The following RPH3A variants were observed in gnomAD, a reference collection of about 807,000 sequenced individuals.
The protein encoded by RPH3A is rabphilin-3A.
RPH3A carries 48 observed loss-of-function variants against 102.2 expected under a neutral mutation model. The observed-to-expected ratio is 0.47, with a 90% CI of 0.37 to 0.60. The LOEUF (loss-of-function observed/expected upper bound fraction) is 0.60, where lower values mean the gene tolerates loss of function less well. Among genes scored for constraint, RPH3A ranks in the 20% least tolerant of loss-of-function variants. The pLI, the probability that RPH3A is intolerant of heterozygous loss-of-function variation, is 0.00. For missense variants in RPH3A, 781 were observed against 910.1 expected, an observed-to-expected ratio of 0.86 and a Z score of 1.83; for synonymous variants, 310 against 324.3, an observed-to-expected ratio of 0.96 and a Z score of 0.47.
intron 1 of RPH3A, among the ~76,000 whole-genome samples, chr12:112,684,020 T>C: frequency 6.6e-6 from 1 of 152,350 alleles, no homozygotes. Context: ...TGTGATTATA[T>C]ATGTATCTAT....
At chr12:112,614,761 G>A (rs2039665810) in intron 1 of RPH3A, among the ~76,000 whole-genome samples, 1 of 144,708 alleles carries the variant, frequency 6.9e-6, no homozygotes, top group Non-Finnish European at 1.5e-5. Context: ...TGTGCTGATT[G>A]AATGTTAGAT....
chr12:112,704,927 T>G (rs979821417), intron 1 of RPH3A, among the ~76,000 whole-genome samples: 8 of 152,172 alleles, frequency 5.3e-5, no homozygotes, highest in Admixed American at 5.2e-4. Flanking sequence ...AATCTGGAGA[T>G]TAAGAACCAT....
chr12:112,711,921 C>T (rs2040465659), intron 1 of RPH3A, among the ~76,000 whole-genome samples: 1 of 152,158 alleles, frequency 6.6e-6, no homozygotes, highest in Admixed American at 6.5e-5. Flanking sequence ...CAACCTCTGC[C>T]TCCCGGGTTC....
intron 4 of RPH3A, among the ~76,000 whole-genome samples, chr12:112,843,499 GA>G (rs1333505811): frequency 6.6e-6 from 1 of 152,154 alleles, no homozygotes; most frequent in Non-Finnish European, 1.5e-5. Context: ...GGGCCTCTCG[GA>G]GACCCCCAGC....
At chr12:112,713,597 G>A (rs1237238006) in intron 1 of RPH3A, among the ~76,000 whole-genome samples, 1 of 152,072 alleles carries the variant, frequency 6.6e-6, no homozygotes, top group African/African-American at 2.4e-5. Context: ...ATAAACAATG[G>A]AGCTGTGTGG....
intron 2 of RPH3A, among the ~76,000 whole-genome samples, chr12:112,803,669 T>C (rs183121474): frequency 6.6e-6 from 1 of 152,220 alleles, no homozygotes; most frequent in African/African-American, 2.4e-5. Flanking sequence ...TAAAAATAAA[T>C]AATAAGGCTC....
chr12:112,739,847 C>G (rs1283019019), intron 1 of RPH3A, among the ~76,000 whole-genome samples: 1 of 152,190 alleles, frequency 6.6e-6, no homozygotes, highest in Non-Finnish European at 1.5e-5. Flanking sequence ...TCCCCTCCCT[C>G]TCTGCCTCTG....
intron 2 of RPH3A, among the ~76,000 whole-genome samples, chr12:112,797,033 ACT>A (rs1342222099): frequency 2.0e-5 from 3 of 151,664 alleles, no homozygotes; most frequent in African/African-American, 2.4e-5. Context: ...CTAGGGTAAG[ACT>A]CTGTCTCAAA....
chr12:112,699,383 G>T (rs1189575179), intron 1 of RPH3A, among the ~76,000 whole-genome samples: 1 of 152,206 alleles, frequency 6.6e-6, no homozygotes, highest in African/African-American at 2.4e-5. Flanking sequence ...CAACACAGAT[G>T]TCTGTCAACA....
At chr12:112,588,629 C>T (rs2039455632) in intron 1 of RPH3A, among the ~76,000 whole-genome samples, 1 of 152,158 alleles carries the variant, frequency 6.6e-6, no homozygotes, top group Non-Finnish European at 1.5e-5. Context: ...TGCTCAATGC[C>T]TGGGTGCATT....
chr12:112,677,486 C>A (rs2040188241), intron 1 of RPH3A, among the ~76,000 whole-genome samples: 1 of 136,214 alleles, frequency 7.3e-6, no homozygotes, highest in Non-Finnish European at 1.6e-5. Flanking sequence ...TCCTTCCTTC[C>A]CTCTTTCTCT....
chr12:112,799,129 TA>T (rs11352092), intron 2 of RPH3A, among the ~76,000 whole-genome samples: 7,067 of 152,164 alleles, frequency 0.046, 562 homozygotes, highest in African/African-American at 0.16. Flanking sequence ...CTCGCACTTG[TA>T]AATCCCTGCA....
At chr12:112,882,646 C>T (rs2042934338) in intron 15 of RPH3A, among the ~76,000 whole-genome samples, 1 of 152,212 alleles carries the variant, frequency 6.6e-6, no homozygotes, top group South Asian at 2.1e-4. Flanking sequence ...AGTTCCTCAC[C>T]TGGCCATGGC....
rs2040285329 is a variant in RPH3A at position 112,688,616 on chromosome 12, TGG to T, written c.-139-103525_-139-103524del. Among the ~76,000 whole-genome samples the T allele has an allele frequency of 2.0e-5, 3 of 152,150 alleles. No homozygotes were observed. In the South Asian group the frequency reaches 6.2e-4, roughly 32 times the overall value. On this transcript the variant is annotated intron_variant, in intron 1 of 21. Transcript: ENST00000543106. Reference sequence around the variant, plus strand: ...AAATATGAATCCTGAAAAAAACCAATGGGAACAAGCTTTTACTTAGTACCTAC... The same window carrying T: ...AAATATGAATCCTGAAAAAAACCAATGAACAAGCTTTTACTTAGTACCTAC...
intron 2 of RPH3A, among the ~76,000 whole-genome samples, chr12:112,815,597 A>C (rs566740173): frequency 6.6e-6 from 1 of 152,238 alleles, no homozygotes; most frequent in Non-Finnish European, 1.5e-5. Context: ...AGGAGGGAGC[A>C]GGACGCCATT....
intron 1 of RPH3A, among the ~76,000 whole-genome samples, chr12:112,681,445 C>A (rs1459201166): frequency 2.6e-5 from 4 of 152,126 alleles, no homozygotes; most frequent in Non-Finnish European, 4.4e-5. Context: ...TCTGTCCACT[C>A]TTCTGGACAT....
At chr12:112,590,465 G>GTA (rs973275397) in intron 1 of RPH3A, among the ~76,000 whole-genome samples, 1 of 152,162 alleles carries the variant, frequency 6.6e-6, no homozygotes, top group Non-Finnish European at 1.5e-5. Flanking sequence ...TGTTGTTTCT[G>GTA]TAACCCACAA....
chr12:112,896,015 T>A, intron 21 of RPH3A, 142 bp downstream of exon 21: 1 of 616,696 alleles, frequency 1.6e-6, no homozygotes, highest in Non-Finnish European at 2.9e-6. Flanking sequence ...AGACCCATGA[T>A]CTTGACCTTG....
At position 112,896,762 on chromosome 12, in the gene RPH3A, C is replaced by T. The variant is rs756225494; in HGVS notation, c.2067C>T (p.Asn689=). ...GCTGGCACCAGCTACAGAATGAGAACCACGTGTCAAGTGATTAGGCTAGTG... is the reference window on the plus strand; with the variant it reads ...GCTGGCACCAGCTACAGAATGAGAATCACGTGTCAAGTGATTAGGCTAGTG... ...IERWHQLQNE[N]HVSSD Residue 689 remains asparagine (N), a synonymous_variant, in exon 22 of 22, where the codon AAC becomes AAT. Coordinates refer to ENST00000389385, the MANE Select transcript of RPH3A (RefSeq NM_001143854.2). The T allele has an allele frequency of 6.2e-7, 1 of 1,614,086 alleles. No individual in the cohort carries two copies. The highest frequency in any genetic ancestry group is 8.5e-7 in the Non-Finnish European group (1 of 1,179,980).
Sources: gnomAD v4.1 joint callset for allele counts (sites outside exome capture counted in the v4.1 genomes callset) on GRCh38, gnomAD v4.1.1 for gene constraint, MANE v1.5 for transcripts, NCBI Gene and HGNC (gene_info 2026-07-23, HGNC 2026-07-21) for gene names.